Variants in MEF2C observed in about 807,000 individuals in gnomAD.
The protein encoded by MEF2C is myocyte enhancer factor 2C, also known as myocyte-specific enhancer factor 2C.
Under a neutral mutation model 50.5 loss-of-function variants are expected in MEF2C, and 6 were observed. That is an observed-to-expected ratio of 0.12 (90% confidence interval 0.07 to 0.23). MEF2C has a LOEUF of 0.23. Among genes scored for constraint, MEF2C ranks in the 10% least tolerant of loss-of-function variants. The pLI is 1.00. For synonymous variants in MEF2C, 183 were observed against 228.0 expected, an observed-to-expected ratio of 0.80 and a Z score of 1.78; for missense variants, 276 against 605.0, an observed-to-expected ratio of 0.46 and a Z score of 5.70.
At chr5:88,760,997 A>G in intron 4 of MEF2C, 188 bp downstream of exon 4, 1 of 1,606,452 alleles carries the variant, frequency 6.2e-7, no homozygotes, top group Non-Finnish European at 8.5e-7. Context: ...CAGGAATTTT[A>G]TGACTCTTGA....
intron 3 of MEF2C, among the ~76,000 whole-genome samples, chr5:88,782,465 A>T (rs200564906): frequency 2.7e-4 from 2 of 7,472 alleles, no homozygotes; most frequent in African/African-American, 5.8e-4. Flanking sequence ...AAATCATCTC[A>T]AAAAAAAAAA....
chr5:88,813,972 T>C (rs1343889570), intron 2 of MEF2C, among the ~76,000 whole-genome samples: 1 of 151,956 alleles, frequency 6.6e-6, no homozygotes, highest in Non-Finnish European at 1.5e-5. Context: ...ACCTAGATAA[T>C]CTCTCAGTTT....
At chr5:88,832,712 TCA>T (rs1813546556) in intron 1 of MEF2C, among the ~76,000 whole-genome samples, 1 of 152,192 alleles carries the variant, frequency 6.6e-6, no homozygotes, top group African/African-American at 2.4e-5. Flanking sequence ...TATTTTGATG[TCA>T]AAGCAGAAAC....
At chr5:88,826,568 C>T (rs189327157) in intron 1 of MEF2C, among the ~76,000 whole-genome samples, 14 of 152,050 alleles carry the variant, frequency 9.2e-5, no homozygotes, top group South Asian at 4.1e-4. Context: ...AACAATAGCT[C>T]ACGCATTGTT....
intron 3 of MEF2C, among the ~76,000 whole-genome samples, chr5:88,795,597 T>C (rs1001778629): frequency 6.6e-6 from 1 of 152,220 alleles, no homozygotes; most frequent in Admixed American, 6.5e-5. Context: ...CAGAGGCAAG[T>C]TGACTTCTTC....
chr5:88,805,823 C>CTT (rs869224140), intron 2 of MEF2C, among the ~76,000 whole-genome samples: 2,471 of 61,626 alleles, frequency 0.04, 494 homozygotes, highest in Non-Finnish European at 0.054. Flanking sequence ...CGTGAACATT[C>CTT]TTTTTTTTTT....
chr5:88,735,400 G>A lies in MEF2C; in HGVS notation c.638-3499C>T, dbSNP rs900280145. On this transcript the variant is annotated intron_variant, in intron 6 of 10. Coordinates refer to ENST00000504921, the MANE Select transcript of MEF2C (RefSeq NM_002397.5). Reference sequence around the variant, plus strand: ...TGCCTGGACAATTATCAATTTAGACGTGACTGTATGCAGATGTCACATTCC... The same window carrying A: ...TGCCTGGACAATTATCAATTTAGACATGACTGTATGCAGATGTCACATTCC... 7.1e-6 allele frequency: 7 copies of A among 985,082 alleles called. No homozygotes were observed. The African/African-American group carries it at 1.2e-4, about 17-fold the overall frequency. The allele number at this position is 985,082 out of a possible 1,614,324, so 61.0% of individuals were successfully genotyped here. A position where few individuals can be genotyped will look rare whatever the true frequency, so the allele number is the denominator to read the frequency against.
intron 1 of MEF2C, among the ~76,000 whole-genome samples, chr5:88,877,653 C>G (rs920269023): frequency 6.6e-6 from 1 of 151,862 alleles, no homozygotes; most frequent in Non-Finnish European, 1.5e-5. Context: ...CTTCCAGCAC[C>G]CTTTATTTTG....
intron 6 of MEF2C, chr5:88,734,565 GTTTTT>G (rs66505441): frequency 0.049 from 25,997 of 532,896 alleles, 50 homozygotes; most frequent in Middle Eastern, 0.065. Context: ...AGAAAAGTTT[GTTTTT>G]TTTTTTTTTT....
At chr5:88,776,509 C>A (rs190072731) in intron 3 of MEF2C, among the ~76,000 whole-genome samples, 18 of 152,268 alleles carry the variant, frequency 1.2e-4, no homozygotes, top group African/African-American at 4.3e-4. Context: ...CCTCTTCCAG[C>A]CTCTGGTAAC....
chr5:88,896,274 A>C (rs1835106377), intron 1 of MEF2C, among the ~76,000 whole-genome samples: 1 of 152,210 alleles, frequency 6.6e-6, no homozygotes, highest in African/African-American at 2.4e-5. Context: ...AATATGAGGC[A>C]GGCAGCCACT....
intron 1 of MEF2C, among the ~76,000 whole-genome samples, chr5:88,900,354 A>G (rs1835519214): frequency 6.6e-6 from 1 of 151,856 alleles, no homozygotes; most frequent in African/African-American, 2.4e-5. Flanking sequence ...TGCACTTGAT[A>G]TATACATATA....
intron 2 of MEF2C, among the ~76,000 whole-genome samples, chr5:88,821,333 G>A (rs1171063342): frequency 6.6e-6 from 1 of 151,976 alleles, no homozygotes; most frequent in Admixed American, 6.6e-5. Flanking sequence ...GTAGTAACAT[G>A]ATCACGGCTC....
chr5:88,796,972 C>T (rs1298011831), intron 3 of MEF2C, among the ~76,000 whole-genome samples: 1 of 152,136 alleles, frequency 6.6e-6, no homozygotes, highest in African/African-American at 2.4e-5. Context: ...AATTTGATTG[C>T]ATTGTGGTCT....
chr5:88,861,485 G>A (rs1222495592), intron 1 of MEF2C, among the ~76,000 whole-genome samples: 1 of 152,150 alleles, frequency 6.6e-6, no homozygotes, highest in Non-Finnish European at 1.5e-5. Flanking sequence ...AAATTTACCG[G>A]TCTATCCAGT....
At chr5:88,764,876 T>C (rs1020911490) in intron 3 of MEF2C, among the ~76,000 whole-genome samples, 71 of 148,700 alleles carry the variant, frequency 4.8e-4, no homozygotes, top group Non-Finnish European at 7.4e-5. Flanking sequence ...ATTTCAAGTA[T>C]GAAAATAGAG....
intron 1 of MEF2C, among the ~76,000 whole-genome samples, chr5:88,848,650 A>T (rs1026866057): frequency 6.6e-6 from 1 of 152,148 alleles, no homozygotes; most frequent in Non-Finnish European, 1.5e-5. Context: ...CACTGATGAA[A>T]ATTAAGTTTG....
intron 6 of MEF2C, chr5:88,733,006 GA>G: frequency 4.4e-6 from 4 of 913,406 alleles, no homozygotes; most frequent in Non-Finnish European, 5.2e-6. Context: ...CCCCAGGCTT[GA>G]AAAGCTCTGA....
chr5:88,880,247 T>C (rs1832397055), intron 1 of MEF2C, among the ~76,000 whole-genome samples: 1 of 152,146 alleles, frequency 6.6e-6, no homozygotes, highest in Non-Finnish European at 1.5e-5. Context: ...TCTCAGAGGA[T>C]GTGCTTTTGA....
Sources: gnomAD v4.1 joint callset for allele counts (sites outside exome capture counted in the v4.1 genomes callset) on GRCh38, gnomAD v4.1.1 for gene constraint, MANE v1.5 for transcripts, NCBI Gene and HGNC (gene_info 2026-07-23, HGNC 2026-07-21) for gene names.